The following INTS6 variants were observed in gnomAD, a reference collection of about 807,000 sequenced individuals.
The protein encoded by INTS6 is integrator complex subunit 6.
Under a neutral mutation model 104.9 loss-of-function variants are expected in INTS6, and 16 were observed. That is an observed-to-expected ratio of 0.15 (90% CI 0.10 to 0.23). The LOEUF (loss-of-function observed/expected upper bound fraction) is 0.23. Among genes scored for constraint, INTS6 ranks in the 10% least tolerant of loss-of-function variants. The pLI, the probability that INTS6 is intolerant of heterozygous loss-of-function variation, is 1.00. For synonymous variants in INTS6, 324 were observed against 358.7 expected, an observed-to-expected ratio of 0.90 and a Z score of 1.09; for missense variants, 584 against 1,062.8, an observed-to-expected ratio of 0.55 and a Z score of 6.26.
At chr13:51,437,988 G>A (rs952375953) in intron 3 of INTS6, 2 of 152,126 alleles carry the variant, frequency 1.3e-5, no homozygotes, top group African/African-American at 2.4e-5. Flanking sequence ...TAGCCTGGGC[G>A]ATAGAGCAAG....
chr13:51,415,174 TAA>T (rs199947020), intron 4 of INTS6, among the ~76,000 whole-genome samples: 1 of 149,642 alleles, frequency 6.7e-6, no homozygotes, highest in East Asian at 1.9e-4. Flanking sequence ...ACCGTTCACT[TAA>T]AAAAAAAATT....
downstream of INTS6, among the ~76,000 whole-genome samples, chr13:51,358,196 T>C (rs1448491140): frequency 1.3e-5 from 2 of 152,064 alleles, no homozygotes; most frequent in African/African-American, 4.8e-5. Context: ...CACTTAGTGT[T>C]AGCAACTAAG....
chr13:51,355,888 C>T (rs150866564), intron 3 of INTS6, among the ~76,000 whole-genome samples: 38 of 152,302 alleles, frequency 2.5e-4, no homozygotes, highest in Middle Eastern at 3.4e-3. Flanking sequence ...AAAGATGATA[C>T]TGTAGCTGGT....
At chr13:51,359,075 C>G (rs1176089380), downstream of INTS6, among the ~76,000 whole-genome samples, 1 of 151,952 alleles carries the variant, frequency 6.6e-6, no homozygotes, top group Non-Finnish European at 1.5e-5. Context: ...ATCATGGAAC[C>G]CTTTTACAGA....
At chr13:51,394,602 A>G (rs890826891) in intron 5 of INTS6, among the ~76,000 whole-genome samples, 4 of 152,148 alleles carry the variant, frequency 2.6e-5, no homozygotes. Flanking sequence ...TTTTAATACA[A>G]TTCTCAGGTG....
At chr13:51,358,819 T>C (rs560705279), downstream of INTS6, among the ~76,000 whole-genome samples, 3 of 152,066 alleles carry the variant, frequency 2.0e-5, no homozygotes, top group Non-Finnish European at 4.4e-5. Context: ...TTGCTTTGTA[T>C]ATAGAATGTT....
chr13:51,410,157 C>CA (rs1956657906), intron 4 of INTS6, among the ~76,000 whole-genome samples: 1 of 152,150 alleles, frequency 6.6e-6, no homozygotes, highest in South Asian at 2.1e-4. Context: ...ATTTTTCCCT[C>CA]AAACTGATTT....
chr13:51,382,702 C>T (rs1047450544), intron 9 of INTS6, among the ~76,000 whole-genome samples: 1 of 152,164 alleles, frequency 6.6e-6, no homozygotes, highest in Admixed American at 6.5e-5. Context: ...TCATTTCAAA[C>T]AGAAAGCCTA....
At chr13:51,410,347 GAC>G (rs1450204774) in intron 4 of INTS6, among the ~76,000 whole-genome samples, 1 of 152,180 alleles carries the variant, frequency 6.6e-6, no homozygotes, top group Non-Finnish European at 1.5e-5. Context: ...CACAGTAGTT[GAC>G]ACCATGTTGT....
Position 51,416,721 on chromosome 13 carries a change from CT to C in INTS6, c.429+13572del, listed in dbSNP as rs576438719. On this transcript the variant is annotated intron_variant, in intron 4 of 17. Coordinates refer to ENST00000311234, the MANE Select transcript of INTS6 (RefSeq NM_012141.3). ...TTTTTGTGTAGACATGTTTTCATTT[CT>C]TTAGGTATATACCCCAGAATAGAAT... Among the ~76,000 whole-genome samples the C allele has an allele frequency of 2.6e-5, 4 of 152,198 alleles. No homozygotes were observed. In the South Asian group the frequency reaches 8.3e-4, roughly 32 times the overall value.
At chr13:51,401,950 A>G (rs1035923700) in intron 4 of INTS6, among the ~76,000 whole-genome samples, 1 of 152,204 alleles carries the variant, frequency 6.6e-6, no homozygotes, top group African/African-American at 2.4e-5. Context: ...AAAAATAACT[A>G]CTTTTAGAAA....
chr13:51,356,527 G>A lies in INTS6; in HGVS notation n.431-2191C>T, dbSNP rs376255082. ...AAACTGTATTTTCTTCTACATCGCTGTATTTTCTTCTACATCACTGTATTC... is the reference window on the plus strand; with the variant it reads ...AAACTGTATTTTCTTCTACATCGCTATATTTTCTTCTACATCACTGTATTC... On this transcript the variant is annotated intron_variant and non_coding_transcript_variant, in intron 3 of 3. Coordinates refer to the INTS6 transcript ENST00000476666. Among the ~76,000 whole-genome samples the A allele has an allele frequency of 2.6e-5, 4 of 152,248 alleles. No individual in the cohort carries two copies. The East Asian group carries it at 7.7e-4, about 29-fold the overall frequency.
chr13:51,422,855 C>T (rs1956920252), intron 4 of INTS6: 1 of 304,216 alleles, frequency 3.3e-6, no homozygotes, highest in African/African-American at 2.3e-5. Flanking sequence ...TCTCCTGATA[C>T]ACTGTTTTCA....
At chr13:51,337,057 G>T in the INTS6 span, among the ~76,000 whole-genome samples, 1 of 152,216 alleles carries the variant, frequency 6.6e-6, no homozygotes, top group East Asian at 1.9e-4. Context: ...GCAGCACCAT[G>T]TGCTGGGCTA....
At chr13:51,342,180 A>AT in the INTS6 span, among the ~76,000 whole-genome samples, 1 of 131,924 alleles carries the variant, frequency 7.6e-6, no homozygotes, top group South Asian at 2.5e-4. Flanking sequence ...AGACAGAACA[A>AT]AAAAAAAAAA....
chr13:51,452,078 G>A lies in INTS6; in HGVS notation c.112-23C>T. 2.5e-6 allele frequency: 4 copies of A among 1,605,494 alleles called. No individual in the cohort carries two copies. The highest frequency in any genetic ancestry group is 3.4e-6 in the Non-Finnish European group (4 of 1,175,228). ...GAGCTGCGGGACGGGAGGAGGAACA[G>A]GGCGGGCGACAGGGAAGCACAGAGG... On this transcript the variant is annotated intron_variant, in intron 1 of 17. Transcript: ENST00000311234. The surrounding 1 kb of genome is among the most constrained non-coding windows in gnomAD (Gnocchi z 4.2).
chr13:51,369,701 C>T (rs1019456807), intron 15 of INTS6, among the ~76,000 whole-genome samples: 2 of 152,294 alleles, frequency 1.3e-5, no homozygotes, highest in South Asian at 2.1e-4. Flanking sequence ...ATGCCTTATA[C>T]ATCTGGTATC....
chr13:51,431,612 GT>G (rs1313187502), intron 3 of INTS6, among the ~76,000 whole-genome samples: 1 of 152,016 alleles, frequency 6.6e-6, no homozygotes, highest in African/African-American at 2.4e-5. Context: ...TTCACAGTTA[GT>G]TATATGATTA....
chr13:51,404,067 C>CAT, intron 4 of INTS6, among the ~76,000 whole-genome samples: 1 of 73,500 alleles, frequency 1.4e-5, no homozygotes, highest in African/African-American at 5.9e-5. Context: ...TACAAATACA[C>CAT]ACACACACAC....
Sources: allele counts gnomAD v4.1 joint callset (sites outside exome capture counted in the v4.1 genomes callset), GRCh38; gene constraint gnomAD v4.1.1; non-coding constraint Gnocchi (gnomAD v3.1); transcripts MANE v1.5; gene names NCBI Gene and HGNC (gene_info 2026-07-23, HGNC 2026-07-21).